Variants in NSUN6 observed in about 807,000 individuals in gnomAD.
The protein encoded by NSUN6 is NOP2/Sun RNA methyltransferase 6.
NSUN6 carries 64 observed loss-of-function variants against 58.0 expected under a neutral mutation model. The observed-to-expected ratio is 1.10, with a 90% CI of 0.90 to 1.36. NSUN6 has a LOEUF of 1.36. Among genes scored for constraint, NSUN6 ranks in the 40% most tolerant of loss-of-function variants. The probability of loss-of-function intolerance (pLI) is 0.00; values close to 1 mark genes in which losing one functional copy is unlikely to be tolerated. For synonymous variants in NSUN6, 231 were observed against 193.9 expected (o/e 1.19, Z -1.59); for missense variants, 701 against 550.1 (o/e 1.27, Z -2.74).
At chr10:18,622,091 A>G (rs1036425026) in intron 3 of NSUN6, among the ~76,000 whole-genome samples, 6 of 152,094 alleles carry the variant, frequency 3.9e-5, no homozygotes, top group Non-Finnish European at 8.8e-5. Flanking sequence ...GAAATCTTAA[A>G]GTGCTTGTTA....
intron 7 of NSUN6, among the ~76,000 whole-genome samples, chr10:18,587,137 T>C (rs535714727): frequency 6.6e-6 from 1 of 152,288 alleles, no homozygotes; most frequent in South Asian, 2.1e-4. Flanking sequence ...ACCAAAAGTA[T>C]TTGCAATCTT....
chr10:18,551,170 A>G (rs1036795750), intron 9 of NSUN6, among the ~76,000 whole-genome samples: 3 of 151,256 alleles, frequency 2.0e-5, no homozygotes, highest in African/African-American at 7.3e-5. Flanking sequence ...ATGAAATTCT[A>G]CTATTGCCTG....
At chr10:18,590,597 GA>G (rs2131158422) in intron 7 of NSUN6, among the ~76,000 whole-genome samples, 1 of 152,320 alleles carries the variant, frequency 6.6e-6, no homozygotes, top group South Asian at 2.1e-4. Flanking sequence ...TCAGGATTAA[GA>G]AACTCACTCA....
intron 10 of NSUN6, 113 bp from the exon 11 acceptor site, chr10:18,546,258 T>C (rs572043983): frequency 2.6e-6 from 2 of 778,368 alleles, no homozygotes; most frequent in South Asian, 1.4e-5. Flanking sequence ...CTTCCAAAAA[T>C]AGAAAAATGA....
intron 2 of NSUN6, among the ~76,000 whole-genome samples, chr10:18,645,645 G>A (rs2059525473): frequency 6.6e-6 from 1 of 152,098 alleles, no homozygotes; most frequent in African/African-American, 2.4e-5. Context: ...TGTATATTTG[G>A]AGTATCCCCT....
At chr10:18,598,053 C>A (rs1200538059) in intron 6 of NSUN6, among the ~76,000 whole-genome samples, 1 of 152,184 alleles carries the variant, frequency 6.6e-6, no homozygotes, top group Non-Finnish European at 1.5e-5. Context: ...TGAAGATCCA[C>A]AAAAGAAGTG....
chr10:18,596,712 C>G (rs1207050927), intron 6 of NSUN6, among the ~76,000 whole-genome samples: 1 of 152,136 alleles, frequency 6.6e-6, no homozygotes, highest in Non-Finnish European at 1.5e-5. Flanking sequence ...CAGGACCACT[C>G]TGGACTTTTT....
intron 5 of NSUN6, among the ~76,000 whole-genome samples, chr10:18,613,005 T>C (rs2058290756): frequency 6.6e-6 from 1 of 152,206 alleles, no homozygotes; most frequent in Non-Finnish European, 1.5e-5. Context: ...AAACAGGGTG[T>C]ACATGTAGCA....
upstream of NSUN6, chr10:18,653,125 G>C (rs1028057194): frequency 4.1e-6 from 4 of 984,356 alleles, no homozygotes; most frequent in African/African-American, 7.0e-5. Context: ...CTGATGGCTA[G>C]AATCTGTATT....
At chr10:18,626,075 G>C (rs932020496) in intron 3 of NSUN6, among the ~76,000 whole-genome samples, 5 of 152,130 alleles carry the variant, frequency 3.3e-5, no homozygotes, top group Admixed American at 2.6e-4. Flanking sequence ...GGAAAGGGCA[G>C]GGGGTGCGGG....
chr10:18,573,899 G>C (rs1040298617), intron 8 of NSUN6, among the ~76,000 whole-genome samples: 1 of 152,202 alleles, frequency 6.6e-6, no homozygotes, highest in East Asian at 1.9e-4. Flanking sequence ...CTTATGGATT[G>C]ACTCATATGC....
intron 5 of NSUN6, among the ~76,000 whole-genome samples, chr10:18,613,655 G>T (rs1417653490): frequency 6.6e-6 from 1 of 152,098 alleles, no homozygotes; most frequent in Non-Finnish European, 1.5e-5. Context: ...TAAAATCTTT[G>T]TTCTTGGCCA....
rs116962294 is a variant in NSUN6, at chr10:18,558,253, T to C, written c.923-6282A>G. 6.3e-4 allele frequency among the ~76,000 whole-genome samples: 90 copies of C among 141,776 alleles called. 1 individual carries two copies. In the East Asian group the frequency reaches 0.017, roughly 27 times the overall value. 93.0% of individuals were successfully genotyped at this position (141,776 alleles called of 152,430 possible). A position where few individuals can be genotyped will look rare whatever the true frequency, so the allele number is the denominator to read the frequency against. On this transcript the variant is annotated intron_variant, in intron 8 of 10. Transcript: ENST00000377304. ...GAATGGGGAGTAGTATGGAGTGCAA[T>C]AGAGAATGGAAGGGAATGGAATGGA... is the stretch of plus-strand genomic sequence containing the variant.
Position 18,561,331 on chromosome 10 carries a change from T to G in NSUN6, c.923-9360A>C, listed in dbSNP as rs1218740138. The stretch of plus-strand genomic sequence containing the variant: ...GAATGGAATGGAATGGAGAATGGAA[T>G]AGAATATGGAATAGAATGGAGAACG... On this transcript the variant is annotated intron_variant, in intron 8 of 10. Coordinates refer to ENST00000377304, the MANE Select transcript of NSUN6 (RefSeq NM_182543.5). Among the ~76,000 whole-genome samples the G allele has an allele frequency of 2.7e-5, 2 of 74,816 alleles. 1 individual carries two copies. The highest frequency in any genetic ancestry group is 5.4e-5 in the Non-Finnish European group (2 of 37,300). 49.1% of individuals were successfully genotyped at this position (74,816 alleles called of 152,430 possible).
At chr10:18,650,370 A>G (rs907451236) in intron 1 of NSUN6, among the ~76,000 whole-genome samples, 2 of 152,252 alleles carry the variant, frequency 1.3e-5, no homozygotes, top group African/African-American at 4.8e-5. Flanking sequence ...AGCAAATAAA[A>G]TTAACATTTT....
chr10:18,574,242 AC>A (rs1358360471), intron 8 of NSUN6, among the ~76,000 whole-genome samples: 3 of 152,096 alleles, frequency 2.0e-5, no homozygotes, highest in Non-Finnish European at 2.9e-5. Context: ...CAGAAAGTTA[AC>A]CTTTGGAGGA....
intron 7 of NSUN6, among the ~76,000 whole-genome samples, chr10:18,595,981 T>C (rs1204281898): frequency 1.3e-5 from 2 of 152,172 alleles, no homozygotes; most frequent in Non-Finnish European, 2.9e-5. Flanking sequence ...ACAGATTAAG[T>C]CTATAATCAT....
chr10:18,633,226 A>G (rs1199115692), intron 3 of NSUN6, among the ~76,000 whole-genome samples: 1 of 147,406 alleles, frequency 6.8e-6, no homozygotes, highest in African/African-American at 2.5e-5. Context: ...TGGACACAGG[A>G]AGGGGAACAT....
At chr10:18,564,600 C>T (rs1224640977) in intron 8 of NSUN6, among the ~76,000 whole-genome samples, 1 of 151,270 alleles carries the variant, frequency 6.6e-6, no homozygotes, top group African/African-American at 2.4e-5. Context: ...ATTCTCCATT[C>T]CGTACCATTC....
Sources: gnomAD v4.1 joint callset for allele counts (sites outside exome capture counted in the v4.1 genomes callset) on GRCh38, gnomAD v4.1.1 for gene constraint, MANE v1.5 for transcripts, NCBI Gene and HGNC (gene_info 2026-07-23, HGNC 2026-07-21) for gene names.